NMNAT3: variants seen among roughly 807,000 people sequenced by gnomAD.
The protein encoded by NMNAT3 is nicotinamide nucleotide adenylyltransferase 3.
Under a neutral mutation model 24.8 loss-of-function variants are expected in NMNAT3, and 21 were observed. The ratio of observed to expected loss-of-function variants is 0.85; its 90% confidence interval spans 0.60 to 1.22. NMNAT3 has a LOEUF of 1.22. NMNAT3 is among the 50% of genes most tolerant of loss of function. The pLI is 0.00. For synonymous variants in NMNAT3, 136 were observed against 155.2 expected (o/e 0.88, Z 0.92); for missense variants, 387 against 436.6 (o/e 0.89, Z 1.01).
chr3:139,671,861 C>T (rs1379981563), intron 1 of NMNAT3, among the ~76,000 whole-genome samples: 2 of 152,214 alleles, frequency 1.3e-5, no homozygotes, highest in Admixed American at 1.3e-4. Context: ...CACTGGCTCA[C>T]AGAGAAACTT....
At chr3:139,615,193 T>C (rs1345510749) in intron 3 of NMNAT3, among the ~76,000 whole-genome samples, 4 of 152,204 alleles carry the variant, frequency 2.6e-5, no homozygotes, top group Admixed American at 2.6e-4. Context: ...TCCTTACTTT[T>C]TGGTACCACA....
intron 1 of NMNAT3, among the ~76,000 whole-genome samples, chr3:139,652,108 T>C (rs1197023082): frequency 1.3e-5 from 2 of 152,166 alleles, no homozygotes; most frequent in African/African-American, 4.8e-5. Context: ...AAGCCATGCC[T>C]GGGGAAGACC....
chr3:139,644,761 A>G (rs879237932), intron 1 of NMNAT3, among the ~76,000 whole-genome samples: 1 of 152,256 alleles, frequency 6.6e-6, no homozygotes, highest in Admixed American at 6.5e-5. Context: ...ATCCAGGGAC[A>G]CTTGACCCAG....
chr3:139,624,387 T>C (rs1054842680), intron 3 of NMNAT3, among the ~76,000 whole-genome samples: 8 of 152,202 alleles, frequency 5.3e-5, no homozygotes, highest in Non-Finnish European at 1.2e-4. Flanking sequence ...TGATTTCTAA[T>C]GTAATTCCAC....
intron 3 of NMNAT3, chr3:139,609,591 T>A (rs1248178693): frequency 1.3e-5 from 2 of 152,246 alleles, no homozygotes; most frequent in Admixed American, 1.3e-4. Flanking sequence ...TTTTGTTAAA[T>A]TTTTAAAGTT....
intron 1 of NMNAT3, among the ~76,000 whole-genome samples, chr3:139,645,044 A>G (rs1208752708): frequency 6.6e-6 from 1 of 152,150 alleles, no homozygotes; most frequent in Admixed American, 6.5e-5. Context: ...TCTACTAAAA[A>G]TACTAAAATT....
At chr3:139,668,307 G>A (rs2057650643) in intron 1 of NMNAT3, among the ~76,000 whole-genome samples, 1 of 152,228 alleles carries the variant, frequency 6.6e-6, no homozygotes, top group Non-Finnish European at 1.5e-5. Flanking sequence ...CTATAGCAGA[G>A]CAGTCTTCCT....
intron 1 of NMNAT3, among the ~76,000 whole-genome samples, chr3:139,673,730 A>C: frequency 6.6e-6 from 1 of 151,980 alleles, no homozygotes; most frequent in Non-Finnish European, 1.5e-5. Context: ...ATTTTGACTC[A>C]CTGTTTGAAT....
At chr3:139,623,848 T>C (rs190024547) in intron 3 of NMNAT3, among the ~76,000 whole-genome samples, 257 of 152,346 alleles carry the variant, frequency 1.7e-3, no homozygotes, top group Non-Finnish European at 2.9e-3. Flanking sequence ...CCCAAAGTGC[T>C]GGACAGGTGT....
intron 1 of NMNAT3, among the ~76,000 whole-genome samples, chr3:139,674,769 G>A (rs78830155): frequency 0.035 from 5,306 of 152,092 alleles, 143 homozygotes; most frequent in Non-Finnish European, 0.055. Flanking sequence ...TGTGCCTAGG[G>A]CCTTCAGTTT....
intron 2 of NMNAT3, among the ~76,000 whole-genome samples, chr3:139,628,579 T>A (rs2108313701): frequency 6.6e-6 from 1 of 152,274 alleles, no homozygotes; most frequent in South Asian, 2.1e-4. Flanking sequence ...GCCCAAGCAT[T>A]TTGAGAGGGT....
chr3:139,606,208 T>C (rs2054936767), intron 3 of NMNAT3, among the ~76,000 whole-genome samples: 1 of 152,210 alleles, frequency 6.6e-6, no homozygotes, highest in African/African-American at 2.4e-5. Context: ...GGATCTCACA[T>C]TGCACATAGT....
intron 6 of NMNAT3, chr3:139,565,773 T>C (rs1239999943): frequency 6.6e-6 from 1 of 152,238 alleles, no homozygotes. Context: ...TGTTGGACAT[T>C]TGGGTTGGTT....
chr3:139,660,221 G>A (rs1045445547), intron 1 of NMNAT3, among the ~76,000 whole-genome samples: 2 of 152,118 alleles, frequency 1.3e-5, no homozygotes, highest in Non-Finnish European at 2.9e-5. Context: ...TGACCAAAGG[G>A]ATGACATCCT....
chr3:139,613,921 G>T (rs1251464940), intron 3 of NMNAT3, among the ~76,000 whole-genome samples: 1 of 152,044 alleles, frequency 6.6e-6, no homozygotes, highest in Non-Finnish European at 1.5e-5. Flanking sequence ...CTCACTCATA[G>T]GTGGGAATTG....
At chr3:139,596,448 A>C (rs2054463728) in intron 3 of NMNAT3, among the ~76,000 whole-genome samples, 1 of 152,094 alleles carries the variant, frequency 6.6e-6, no homozygotes, top group Non-Finnish European at 1.5e-5. Flanking sequence ...CAAATACTTA[A>C]GTGACTATGT....
At chr3:139,570,496 G>C (rs561860647) in intron 6 of NMNAT3, 25 of 152,232 alleles carry the variant, frequency 1.6e-4, no homozygotes, top group Middle Eastern at 3.4e-3. Context: ...GGTCTTTGAT[G>C]ATGGTGACGT....
chr3:139,668,672 C>T (rs983465592), intron 1 of NMNAT3, among the ~76,000 whole-genome samples: 6 of 152,130 alleles, frequency 3.9e-5, no homozygotes, highest in Non-Finnish European at 8.8e-5. Context: ...ATGGCAGGGA[C>T]AAGTACAAAG....
chr3:139,634,865 A>G (rs2056442787), intron 2 of NMNAT3: 1 of 152,216 alleles, frequency 6.6e-6, no homozygotes, highest in African/African-American at 2.4e-5. Context: ...TTTATTGAGT[A>G]ATAGGCTAGG....
Sources: gnomAD v4.1 joint callset for allele counts (sites outside exome capture counted in the v4.1 genomes callset) on GRCh38, gnomAD v4.1.1 for gene constraint, MANE v1.5 for transcripts, NCBI Gene and HGNC (gene_info 2026-07-23, HGNC 2026-07-21) for gene names.